The following XIRP2 variants were observed in gnomAD, a reference collection of about 807,000 sequenced individuals.
XIRP2 encodes xin actin binding repeat containing 2.
XIRP2 carries 236 observed loss-of-function variants against 277.0 expected under a neutral mutation model. That is an observed-to-expected ratio of 0.85 (90% CI 0.77 to 0.95). The LOEUF (loss-of-function observed/expected upper bound fraction) is 0.95, where lower values mean the gene tolerates loss of function less well. Ranked by LOEUF, XIRP2 falls within the 40% of genes least tolerant of loss-of-function variation. XIRP2 has a pLI of 0.00. For synonymous variants in XIRP2, 1,490 were observed against 1,416.5 expected (o/e 1.05, Z -1.17); for missense variants, 4,640 against 4,157.5 (o/e 1.12, Z -3.19).
At chr2:166,892,229 T>C (rs533863687) in intron 1 of XIRP2, among the ~76,000 whole-genome samples, 6 of 152,242 alleles carry the variant, frequency 3.9e-5, no homozygotes, top group African/African-American at 1.4e-4. Flanking sequence ...TTAACAAAAA[T>C]ATTTTAGAAT....
intron 5 of XIRP2, among the ~76,000 whole-genome samples, chr2:167,218,953 T>C (rs187076513): frequency 6.6e-6 from 1 of 152,284 alleles, no homozygotes; most frequent in Admixed American, 6.5e-5. Context: ...TTAATAGTAA[T>C]TACACTGTAA....
rs1693703208 is a variant in XIRP2 at position 167,201,261 on chromosome 2, AGAGAGAGGGAGAAAGGAAAGAAG to A, written c.563-9471_563-9449del. ...AAGAAAGAAAGAAAGAAAGAAAGAA[AGAGAGAGGGAGAAAGGAAAGAAG>A]GAAGGAGGGAGGGAGGGAAGGAAGG... is the stretch of plus-strand genomic sequence containing the variant. On this transcript the variant is annotated intron_variant, in intron 3 of 10. Transcript: ENST00000409195. Among the ~76,000 whole-genome samples the A allele has an allele frequency of 3.0e-5, 3 of 101,100 alleles. No individual in the cohort carries two copies. The South Asian group carries it at 1.0e-3, about 34-fold the overall frequency. The allele number at this position is 101,100 out of a possible 152,430, so 66.3% of individuals were successfully genotyped here.
intron 2 of XIRP2, among the ~76,000 whole-genome samples, chr2:167,064,169 GCATT>G (rs1689242170): frequency 6.6e-6 from 1 of 151,418 alleles, no homozygotes; most frequent in South Asian, 2.1e-4. Context: ...ATATTCATAT[GCATT>G]TTGAAATGAT....
In XIRP2 at chr2:166,910,236, T is replaced by C. The variant is rs113573351; in HGVS notation, c.408+6346T>C. On this transcript the variant is annotated intron_variant, in intron 2 of 10. Transcript: ENST00000409195. ...GGTAGAATTCAGCTGTGAATCAGTC[T>C]GGTCCTGGACTTTTTTTGGTTGGTA... Among the ~76,000 whole-genome samples, 504 of 152,336 alleles carry C rather than the reference T, an allele frequency of 3.3e-3. 5 individuals carry two copies. The highest frequency in any genetic ancestry group is 0.011 in the African/African-American group (458 of 41,586).
chr2:167,080,396 A>T (rs753140332), intron 2 of XIRP2, among the ~76,000 whole-genome samples: 4 of 152,214 alleles, frequency 2.6e-5, no homozygotes, highest in Non-Finnish European at 5.9e-5. Flanking sequence ...TGCCAGACTA[A>T]CTGATACTGT....
At chr2:167,209,248 CTA>C (rs2105387415) in intron 3 of XIRP2, among the ~76,000 whole-genome samples, 1 of 152,228 alleles carries the variant, frequency 6.6e-6, no homozygotes, top group South Asian at 2.1e-4. Context: ...TAAGAAGTCT[CTA>C]TGGAAAACCA....
intron 2 of XIRP2, among the ~76,000 whole-genome samples, chr2:167,052,887 T>C (rs565886132): frequency 6.6e-6 from 1 of 152,028 alleles, no homozygotes; most frequent in African/African-American, 2.4e-5. Context: ...ATATAAAATG[T>C]CTCTGTTAAA....
At chr2:167,038,154 A>T (rs572358559) in intron 2 of XIRP2, among the ~76,000 whole-genome samples, 1 of 151,984 alleles carries the variant, frequency 6.6e-6, no homozygotes, top group African/African-American at 2.4e-5. Context: ...CTTTTGAGTT[A>T]TGTGCATTTT....
intron 2 of XIRP2, among the ~76,000 whole-genome samples, chr2:166,965,488 T>A (rs1574120842): frequency 6.6e-6 from 1 of 152,072 alleles, no homozygotes; most frequent in Non-Finnish European, 1.5e-5. Flanking sequence ...ACAGAGAATA[T>A]GACAGAGTCA....
At chr2:167,123,836 G>C (rs1022321063) in intron 2 of XIRP2, 4 of 152,052 alleles carry the variant, frequency 2.6e-5, no homozygotes, top group African/African-American at 9.7e-5. Flanking sequence ...CCAAATACAA[G>C]CATATTCTCA....
In XIRP2 at chr2:167,251,362, A is replaced by G; in HGVS notation, c.9970A>G (p.Asn3324Asp). 1 of 1,613,604 alleles carries G rather than the reference A, an allele frequency of 6.2e-7. No individual in the cohort carries two copies. Among genetic ancestry groups the G allele is most frequent in the Non-Finnish European group, 8.5e-7 (1 of 1,179,678 alleles). ...CAACCGAACTGTTCAAATGGCTGAA[A>G]ATTTCGTGAATGACCCTGAAAATGA... ...AANRTVQMAE[N>D]FVNDPENEIN... is the part of the protein sequence containing the mutation. The change falls in exon 9 of 11, where the codon AAT (asparagine) becomes GAT (aspartate). Residue 3324 changes from asparagine (N) to aspartate (D), a missense_variant. Transcript: ENST00000409195.
At chr2:167,146,047 A>G (rs1243572511) in intron 3 of XIRP2, among the ~76,000 whole-genome samples, 1 of 152,216 alleles carries the variant, frequency 6.6e-6, no homozygotes, top group Non-Finnish European at 1.5e-5. Flanking sequence ...GATTGAAGCA[A>G]CATATTATAA....
intron 5 of XIRP2, among the ~76,000 whole-genome samples, chr2:167,226,815 G>A (rs776795900): frequency 1.3e-5 from 2 of 152,056 alleles, no homozygotes; most frequent in Non-Finnish European, 2.9e-5. Context: ...TCTTTTCCAA[G>A]CTTCCGAAAC....
chr2:167,013,865 A>G (rs557081298), intron 2 of XIRP2, among the ~76,000 whole-genome samples: 3 of 151,270 alleles, frequency 2.0e-5, no homozygotes, highest in South Asian at 4.2e-4. Context: ...TGCATTGGGT[A>G]ATTAGATTCC....
chr2:167,227,580 G>T (rs1207216165), intron 5 of XIRP2, among the ~76,000 whole-genome samples: 1 of 151,986 alleles, frequency 6.6e-6, no homozygotes. Context: ...TGGTGGCTGT[G>T]CTTGTAGTCC....
At chr2:166,896,378 T>A (rs1329050161) in intron 1 of XIRP2, among the ~76,000 whole-genome samples, 2 of 152,186 alleles carry the variant, frequency 1.3e-5, no homozygotes, top group East Asian at 3.9e-4. Flanking sequence ...AACCTTCCAG[T>A]GGGACAAGAT....
chr2:167,000,308 G>A (rs1687329758), intron 2 of XIRP2, among the ~76,000 whole-genome samples: 1 of 152,084 alleles, frequency 6.6e-6, no homozygotes, highest in Non-Finnish European at 1.5e-5. Context: ...TGTTTCATGG[G>A]TTTCATAAGA....
chr2:167,221,815 AT>A (rs1352793928), intron 5 of XIRP2, among the ~76,000 whole-genome samples: 8 of 152,252 alleles, frequency 5.3e-5, no homozygotes, highest in African/African-American at 1.4e-4. Flanking sequence ...AAAAATATTT[AT>A]TTTTTTGACA....
At chr2:167,209,228 G>T (rs1693950431) in intron 3 of XIRP2, among the ~76,000 whole-genome samples, 1 of 152,178 alleles carries the variant, frequency 6.6e-6, no homozygotes, top group Admixed American at 6.5e-5. Context: ...ATATGAAAGT[G>T]TTTACTGAAT....
Sources: allele counts gnomAD v4.1 joint callset (sites outside exome capture counted in the v4.1 genomes callset), GRCh38; gene constraint gnomAD v4.1.1; transcripts MANE v1.5; gene names NCBI Gene and HGNC (gene_info 2026-07-23, HGNC 2026-07-21).